GALNT13: variants seen among roughly 807,000 people sequenced by gnomAD.
The protein encoded by GALNT13 is UDP-GalNAc:polypeptide N-acetylgalactosaminyltransferase 13.
GALNT13 carries 28 observed loss-of-function variants against 64.2 expected under a neutral mutation model. The ratio of observed to expected loss-of-function variants is 0.44; its 90% CI spans 0.32 to 0.60. The LOEUF (loss-of-function observed/expected upper bound fraction) is 0.60. Ranked by LOEUF, GALNT13 falls within the 20% of genes least tolerant of loss-of-function variation. GALNT13 has a pLI of 0.05. For synonymous variants in GALNT13, 214 were observed against 224.6 expected, an observed-to-expected ratio of 0.95 and a Z score of 0.42; for missense variants, 577 against 669.8, an observed-to-expected ratio of 0.86 and a Z score of 1.53.
chr2:153,616,688 G>A, the GALNT13 span, among the ~76,000 whole-genome samples: 1 of 151,720 alleles, frequency 6.6e-6, no homozygotes, highest in African/African-American at 2.4e-5. Flanking sequence ...GGTGGCTATT[G>A]TAAATGGGAT....
the GALNT13 span, among the ~76,000 whole-genome samples, chr2:153,775,628 G>A: frequency 6.6e-6 from 1 of 151,936 alleles, no homozygotes. Context: ...GGGACACTAA[G>A]TCTAATATCT....
chr2:154,327,218 G>A (rs749201950), intron 9 of GALNT13, among the ~76,000 whole-genome samples: 1 of 151,966 alleles, frequency 6.6e-6, no homozygotes, highest in East Asian at 1.9e-4. Context: ...CCTTCCTGTC[G>A]CCTTGTGAAG....
intron 3 of GALNT13, among the ~76,000 whole-genome samples, chr2:154,012,273 T>C (rs1696685764): frequency 6.6e-6 from 1 of 152,214 alleles, no homozygotes; most frequent in Non-Finnish European, 1.5e-5. Context: ...TGCTACTGAA[T>C]TCTCTTAGTA....
the GALNT13 span, among the ~76,000 whole-genome samples, chr2:153,863,235 A>G: frequency 2.0e-5 from 3 of 152,182 alleles, no homozygotes; most frequent in Non-Finnish European, 4.4e-5. Flanking sequence ...AGGTGAAGCA[A>G]AATAAGGCTT....
At chr2:154,388,494 G>GTTTTC (rs10693398) in intron 9 of GALNT13, among the ~76,000 whole-genome samples, 61,861 of 151,610 alleles carry the variant, frequency 0.41, 13,119 homozygotes, top group African/African-American at 0.53. Context: ...TTTCTCCTGT[G>GTTTTC]TTTTAGTACT....
intron 8 of GALNT13, among the ~76,000 whole-genome samples, chr2:154,260,796 G>A (rs1180417735): frequency 6.6e-6 from 1 of 152,106 alleles, no homozygotes; most frequent in East Asian, 1.9e-4. Flanking sequence ...GTAATAATGA[G>A]AGAATGTACT....
intron 10 of GALNT13, among the ~76,000 whole-genome samples, chr2:154,397,780 A>G (rs1699125289): frequency 6.6e-6 from 1 of 152,174 alleles, no homozygotes. Flanking sequence ...ATAGAGCTTG[A>G]TTTACATATA....
chr2:153,489,887 G>T, the GALNT13 span, among the ~76,000 whole-genome samples: 2 of 152,052 alleles, frequency 1.3e-5, no homozygotes, highest in Non-Finnish European at 2.9e-5. Context: ...GCTTCACTGA[G>T]GTGGGAGGAT....
the GALNT13 span, among the ~76,000 whole-genome samples, chr2:153,656,036 C>T: frequency 0.18 from 26,629 of 152,028 alleles, 2,877 homozygotes; most frequent in Non-Finnish European, 0.24. Flanking sequence ...CTTTGTTATG[C>T]AAACTGTGAA....
At chr2:153,345,722 C>CA in the GALNT13 span, among the ~76,000 whole-genome samples, 1 of 53,560 alleles carries the variant, frequency 1.9e-5, no homozygotes, top group Non-Finnish European at 3.9e-5. Flanking sequence ...TCTTTCTGTC[C>CA]TTCCTTCCTT....
At chr2:154,391,050 A>G (rs1422232410) in intron 9 of GALNT13, among the ~76,000 whole-genome samples, 1 of 152,170 alleles carries the variant, frequency 6.6e-6, no homozygotes, top group East Asian at 1.9e-4. Flanking sequence ...GTCTATCTTT[A>G]GATAGTCTTC....
At chr2:153,184,938 A>G in the GALNT13 span, among the ~76,000 whole-genome samples, 5 of 152,180 alleles carry the variant, frequency 3.3e-5, no homozygotes, top group South Asian at 1.0e-3. Flanking sequence ...TTTGTTGCGT[A>G]TCTGCCAGGT....
the GALNT13 span, among the ~76,000 whole-genome samples, chr2:153,817,715 C>T: frequency 0.015 from 2,348 of 152,084 alleles, 32 homozygotes; most frequent in Middle Eastern, 0.068. Flanking sequence ...CATGCTTTAA[C>T]GAGTGTCATT....
the GALNT13 span, among the ~76,000 whole-genome samples, chr2:153,574,058 G>C: frequency 6.6e-6 from 1 of 150,952 alleles, no homozygotes; most frequent in East Asian, 2.0e-4. Context: ...GCTTTTGTTT[G>C]TCTGGGAAAG....
At chr2:153,294,562 T>C in the GALNT13 span, among the ~76,000 whole-genome samples, 1 of 152,298 alleles carries the variant, frequency 6.6e-6, no homozygotes, top group African/African-American at 2.4e-5. Context: ...TGTCTTTGAA[T>C]TATGATCTCT....
At chr2:153,116,750 G>T in the GALNT13 span, among the ~76,000 whole-genome samples, 1 of 149,424 alleles carries the variant, frequency 6.7e-6, no homozygotes, top group Non-Finnish European at 1.5e-5. Flanking sequence ...TCATAAAAAT[G>T]ACCACAACAT....
intron 3 of GALNT13, among the ~76,000 whole-genome samples, chr2:154,102,140 A>G (rs139024375): frequency 6.0e-4 from 91 of 152,284 alleles, no homozygotes; most frequent in Non-Finnish European, 1.1e-3. Flanking sequence ...TGCTTTATAA[A>G]TGTCCATTAA....
rs1001393770 is a variant in GALNT13 at position 154,236,267 on chromosome 2, A to G, written c.312-5763A>G. 1.1e-5 allele frequency: 7 copies of G among 615,944 alleles called. No individual in the cohort carries two copies. In the African/African-American group the frequency reaches 1.4e-4, roughly 12 times the overall value. The allele number at this position is 615,944 out of a possible 1,614,324, so 38.2% of individuals were successfully genotyped here. Reference sequence around the variant, plus strand: ...TTTTAAAATGTTGGCATAAGCCTAAAGGTTTTACATGTTTCAAAGAGTCTA... The same window carrying G: ...TTTTAAAATGTTGGCATAAGCCTAAGGGTTTTACATGTTTCAAAGAGTCTA... On this transcript the variant is annotated intron_variant, in intron 4 of 12. Transcript: ENST00000392825.
chr2:153,303,811 G>C, the GALNT13 span, among the ~76,000 whole-genome samples: 1 of 152,046 alleles, frequency 6.6e-6, no homozygotes, highest in Non-Finnish European at 1.5e-5. Flanking sequence ...GGGATAGATA[G>C]AGGAATTCAC....
Sources: gnomAD v4.1 joint callset for allele counts (sites outside exome capture counted in the v4.1 genomes callset) on GRCh38, gnomAD v4.1.1 for gene constraint, MANE v1.5 for transcripts, NCBI Gene and HGNC (gene_info 2026-07-23, HGNC 2026-07-21) for gene names.